The following EIF3K variants were observed in gnomAD, a reference collection of about 807,000 sequenced individuals.
EIF3K encodes the protein eukaryotic translation initiation factor 3 subunit K.
In EIF3K, 27 loss-of-function variants were observed where a neutral mutation model predicts 34.2. The ratio of observed to expected loss-of-function variants is 0.79; its 90% confidence interval spans 0.58 to 1.09. The LOEUF (loss-of-function observed/expected upper bound fraction) is 1.09. EIF3K is among the 50% of genes least tolerant of loss of function. The pLI is 0.00. For synonymous variants in EIF3K, 105 were observed against 105.7 expected (o/e 0.99, Z 0.04); for missense variants, 232 against 275.4 (o/e 0.84, Z 1.11).
rs747761830 is a variant in EIF3K, at chr19:38,636,907, C to T, written c.644C>T (p.Ala215Val). Residue 215 changes from alanine (A) to valine (V), a missense_variant, in exon 8 of 8, where the codon GCC (alanine) becomes GTC (valine). Transcript: ENST00000248342. ...CCCACAGGTGTGTCCAGCATCATGG[C>T]CTCCTCCCAGTAACTTCAGGTGTTT... Reference protein sequence around the residue: ...IDFDSVSSIMASSQ With the variant: ...IDFDSVSSIMVSSQ 3 of 1,614,160 alleles carry T rather than the reference C, an allele frequency of 1.9e-6. No homozygotes were observed. Among genetic ancestry groups the T allele is most frequent in the Non-Finnish European group, 2.5e-6 (3 of 1,180,014 alleles).
Position 38,636,908 on chromosome 19 carries a change from C to T in EIF3K, c.645C>T (p.Ala215=). 6.2e-7 allele frequency: 1 copy of T among 1,614,174 alleles called. No individual in the cohort carries two copies. The highest frequency in any genetic ancestry group is 8.5e-7 in the Non-Finnish European group (1 of 1,180,044). Reference sequence around the variant, plus strand: ...CCACAGGTGTGTCCAGCATCATGGCCTCCTCCCAGTAACTTCAGGTGTTTA... The same window carrying T: ...CCACAGGTGTGTCCAGCATCATGGCTTCCTCCCAGTAACTTCAGGTGTTTA... The part of the protein sequence containing the change: ...IDFDSVSSIM[A]SSQ Residue 215 remains alanine, a synonymous_variant, in exon 8 of 8, where the codon GCC becomes GCT. Coordinates refer to ENST00000248342, the MANE Select transcript of EIF3K (RefSeq NM_013234.4).
chr19:38,623,542 T>C (rs1482983321), intron 2 of EIF3K, among the ~76,000 whole-genome samples: 1 of 152,192 alleles, frequency 6.6e-6, no homozygotes, highest in Non-Finnish European at 1.5e-5. Context: ...TGATCTCAGG[T>C]GATCCGCCCA....
chr19:38,619,870 C>T (rs902742176), intron 1 of EIF3K, among the ~76,000 whole-genome samples: 5 of 152,218 alleles, frequency 3.3e-5, no homozygotes, highest in Non-Finnish European at 5.9e-5. Flanking sequence ...GGAGACAAAC[C>T]TGACAGCAGA....
chr19:38,631,282 CGGCCTCT>C (rs1224882504), intron 4 of EIF3K, among the ~76,000 whole-genome samples: 1 of 152,106 alleles, frequency 6.6e-6, no homozygotes, highest in Non-Finnish European at 1.5e-5. Context: ...AGGATCCCAC[CGGCCTCT>C]GAGTTCCCTT....
At chr19:38,621,756 TC>T (rs1975845226) in intron 2 of EIF3K, among the ~76,000 whole-genome samples, 1 of 152,240 alleles carries the variant, frequency 6.6e-6, no homozygotes, top group East Asian at 1.9e-4. Flanking sequence ...GTTTGTGAGA[TC>T]CATCCAGTGT....
At chr19:38,634,859 G>C in intron 6 of EIF3K, 134 bp from the exon 7 acceptor site, 1 of 1,307,930 alleles carries the variant, frequency 7.6e-7, no homozygotes, top group Non-Finnish European at 1.0e-6. Flanking sequence ...CAGGCCAGCT[G>C]CTGCTGTCCA....
At chr19:38,633,988 G>T (rs1160927663) in intron 6 of EIF3K, among the ~76,000 whole-genome samples, 2 of 151,158 alleles carry the variant, frequency 1.3e-5, no homozygotes, top group Non-Finnish European at 2.9e-5. Flanking sequence ...TGTTGGCCAG[G>T]CTGGTCTTGA....
chr19:38,628,943 C>T (rs1216331583), intron 4 of EIF3K, among the ~76,000 whole-genome samples: 3 of 152,152 alleles, frequency 2.0e-5, no homozygotes, highest in East Asian at 1.9e-4. Context: ...CCTTTCTTCT[C>T]ACCTCAACTT....
chr19:38,619,837 G>T (rs779282783), intron 1 of EIF3K, among the ~76,000 whole-genome samples: 42 of 152,324 alleles, frequency 2.8e-4, no homozygotes, highest in African/African-American at 8.7e-4. Flanking sequence ...ATGCCTTCAC[G>T]GTCTGAGTTC....
At chr19:38,622,176 A>G (rs1337305029) in intron 2 of EIF3K, among the ~76,000 whole-genome samples, 1 of 150,630 alleles carries the variant, frequency 6.6e-6, no homozygotes, top group Admixed American at 6.6e-5. Context: ...CATGATCTCA[A>G]CTCAGTGCAT....
chr19:38,634,394 T>A (rs1020797935), intron 6 of EIF3K, among the ~76,000 whole-genome samples: 36 of 150,108 alleles, frequency 2.4e-4, no homozygotes, highest in Admixed American at 6.0e-4. Flanking sequence ...AGGTCGGGAG[T>A]TCGAGACCAG....
chr19:38,626,160 C>T, intron 4 of EIF3K, 58 bp downstream of exon 4: 1 of 1,503,148 alleles, frequency 6.7e-7, no homozygotes, highest in Non-Finnish European at 9.3e-7. Flanking sequence ...GAGCTGAGTG[C>T]TAAAAGTAAC....
At chr19:38,624,528 A>G (rs1308756356) in intron 3 of EIF3K, among the ~76,000 whole-genome samples, 1 of 152,188 alleles carries the variant, frequency 6.6e-6, no homozygotes, top group African/African-American at 2.4e-5. Context: ...ACCTGAGGTC[A>G]GGAGTTCGAG....
At chr19:38,630,716 G>C (rs998488581) in intron 4 of EIF3K, 1 of 151,736 alleles carries the variant, frequency 6.6e-6, no homozygotes, top group Admixed American at 6.6e-5. Flanking sequence ...TCCCTCTGTC[G>C]CCCAGTCTGG....
intron 4 of EIF3K, among the ~76,000 whole-genome samples, chr19:38,626,764 T>C (rs1332960317): frequency 6.6e-6 from 1 of 152,154 alleles, no homozygotes; most frequent in East Asian, 1.9e-4. Flanking sequence ...CTGGCTCCTA[T>C]CTCTTCTGAT....
chr19:38,631,220 A>G (rs776477033), intron 4 of EIF3K, among the ~76,000 whole-genome samples: 9 of 152,188 alleles, frequency 5.9e-5, no homozygotes, highest in Non-Finnish European at 1.0e-4. Flanking sequence ...ACATAGAGAC[A>G]AAGTATAGAG....
chr19:38,632,417 A>T lies in EIF3K; in HGVS notation c.355-13A>T, dbSNP rs375764491. On this transcript the variant is annotated splice_polypyrimidine_tract_variant and intron_variant, in intron 4 of 7. Transcript: ENST00000248342. ...AAAAGAATAAACATTGTGAACATCA[A>T]TTCCCATCACAGCAAGCCCTGGATG... 2 of 1,611,972 alleles carry T rather than the reference A, an allele frequency of 1.2e-6. No homozygotes were observed. Among genetic ancestry groups the T allele is most frequent in the African/African-American group, 1.3e-5 (1 of 74,994 alleles).
chr19:38,631,653 T>C (rs559982035), intron 4 of EIF3K, among the ~76,000 whole-genome samples: 1 of 152,202 alleles, frequency 6.6e-6, no homozygotes, highest in African/African-American at 2.4e-5. Context: ...CCTTCCTCTT[T>C]TACTAATCCT....
chr19:38,623,771 C>T (rs1975891854), intron 2 of EIF3K, among the ~76,000 whole-genome samples: 2 of 152,156 alleles, frequency 1.3e-5, no homozygotes, highest in Middle Eastern at 3.2e-3. Flanking sequence ...AAGTTTAAAC[C>T]GAGGCAGTCT....
Sources: gnomAD v4.1 joint callset for allele counts (sites outside exome capture counted in the v4.1 genomes callset) on GRCh38, gnomAD v4.1.1 for gene constraint, MANE v1.5 for transcripts, NCBI Gene and HGNC (gene_info 2026-07-23, HGNC 2026-07-21) for gene names.